The following SLC16A2 variants were observed in gnomAD, a reference collection of about 807,000 sequenced individuals.
SLC16A2 encodes the protein solute carrier family 16 member 2.
SLC16A2 carries 3 observed loss-of-function variants against 27.2 expected under a neutral mutation model. The observed-to-expected ratio is 0.11, with a 90% confidence interval of 0.05 to 0.28. The LOEUF is 0.28. SLC16A2 is among the 10% of genes least tolerant of loss of function. The pLI is 1.00. For synonymous variants in SLC16A2, 202 were observed against 187.8 expected (o/e 1.08, Z -0.62); for missense variants, 295 against 458.5 (o/e 0.64, Z 3.26).
intron 1 of SLC16A2, among the ~76,000 whole-genome samples, chrX:74,505,144 G>A (rs1930102354): frequency 9.0e-6 from 1 of 110,545 alleles, no homozygotes; most frequent in Non-Finnish European, 1.9e-5. Flanking sequence ...TAGTGGCTAG[G>A]AAAAAAAAAT....
chrX:74,477,749 A>T (rs1929514872), intron 1 of SLC16A2, among the ~76,000 whole-genome samples: 1 of 112,155 alleles, frequency 8.9e-6, no homozygotes, highest in Non-Finnish European at 1.9e-5. Context: ...CCCAGTAGTC[A>T]TTCAGGAGCA....
chrX:74,507,373 T>C (rs1353550616), intron 1 of SLC16A2, among the ~76,000 whole-genome samples: 1 of 111,910 alleles, frequency 8.9e-6, no homozygotes, highest in East Asian at 2.8e-4. Context: ...TATGTAGATA[T>C]GCAGGAAACC....
intron 1 of SLC16A2, among the ~76,000 whole-genome samples, chrX:74,454,191 T>C (rs761269208): frequency 1.8e-5 from 2 of 111,734 alleles, no homozygotes; most frequent in South Asian, 3.8e-4. Context: ...GATCGAGAAC[T>C]AGAAATACCA....
At chrX:74,429,640 C>T (rs1928497485) in intron 1 of SLC16A2, among the ~76,000 whole-genome samples, 1 of 111,941 alleles carries the variant, frequency 8.9e-6, no homozygotes, top group South Asian at 3.7e-4. Context: ...GATCTCCTCA[C>T]CTACCCGCTT....
At chrX:74,488,076 A>G (rs1000755588) in intron 1 of SLC16A2, among the ~76,000 whole-genome samples, 9 of 111,560 alleles carry the variant, frequency 8.1e-5, no homozygotes, top group African/African-American at 2.9e-4. Context: ...AATTAATTTT[A>G]CCAAAGATTA....
At chrX:74,482,860 G>A (rs942194348) in intron 1 of SLC16A2, among the ~76,000 whole-genome samples, 1 of 110,480 alleles carries the variant, frequency 9.1e-6, no homozygotes, top group African/African-American at 3.3e-5. Flanking sequence ...ACCACAAACA[G>A]CTATTTTCAG....
chrX:74,526,036 T>C (rs1361536794), intron 4 of SLC16A2, 143 bp downstream of exon 4: 5 of 690,974 alleles, frequency 7.2e-6, no homozygotes, highest in Non-Finnish European at 1.1e-5. Context: ...TTCACCTGCT[T>C]TTAAACAAAG....
Position 74,500,873 on chromosome X carries a change from C to T in SLC16A2, c.431-20117C>T, listed in dbSNP as rs756563018. On this transcript the variant is annotated intron_variant, in intron 1 of 5. Transcript: ENST00000587091. Reference sequence around the variant, plus strand: ...AGGTATCCTTTATAAATAGAATGACCGGATGTTCCAGTTTATAAATATTGT... The same window carrying T: ...AGGTATCCTTTATAAATAGAATGACTGGATGTTCCAGTTTATAAATATTGT... Among the ~76,000 whole-genome samples the T allele has an allele frequency of 1.2e-4, 13 of 109,969 alleles. No homozygotes were observed. In the East Asian group the frequency reaches 2.3e-3, roughly 20 times the overall value.
chrX:74,506,406 T>C (rs1262925821), intron 1 of SLC16A2, among the ~76,000 whole-genome samples: 3 of 111,319 alleles, frequency 2.7e-5, no homozygotes, highest in Non-Finnish European at 5.7e-5. Context: ...TGCCTAGTGA[T>C]ATGGGGCAGG....
In SLC16A2 at chrX:74,436,331, A is replaced by T. The variant is rs758444760; in HGVS notation, c.430+14264A>T. ...TCTCTTTAATAATCTCCACTTTAAG[A>T]TCACTTTTCTAAGACGTTGGTTTTA... is the stretch of plus-strand genomic sequence containing the variant. On this transcript the variant is annotated intron_variant, in intron 1 of 5. Transcript: ENST00000587091. Among the ~76,000 whole-genome samples, 17 of 111,623 alleles carry T rather than the reference A, an allele frequency of 1.5e-4. 1 individual carries two copies. The highest frequency in any genetic ancestry group is 3.0e-4 in the Non-Finnish European group (16 of 53,183).
chrX:74,528,122 T>C lies in SLC16A2; in HGVS notation c.1171-1091T>C, dbSNP rs1930513329. On this transcript the variant is annotated intron_variant, in intron 4 of 5. Coordinates refer to ENST00000587091, the MANE Select transcript of SLC16A2 (RefSeq NM_006517.5). ...TGACCCCCACTCCTTCCATGTGTTC[T>C]TGGCTAAGTTGGCTTGCTTGTGTGA... 6.2e-5 allele frequency among the ~76,000 whole-genome samples: 7 copies of C among 112,567 alleles called. No homozygotes were observed. The Admixed American group carries it at 6.5e-4, about 11-fold the overall frequency.
chrX:74,473,238 A>G, intron 1 of SLC16A2: 1 of 782,724 alleles, frequency 1.3e-6, no homozygotes, highest in Non-Finnish European at 1.9e-6. Flanking sequence ...CAAATCCATT[A>G]TAGCCATCCC....
chrX:74,532,213 G>A lies in SLC16A2; in HGVS notation c.*660G>A, dbSNP rs1930581056. ...CTTTGTATGACTGTCATAGACACATGGGTGCTTGAAGAAAGGAGGGACCCG... is the reference window on the plus strand; with the variant it reads ...CTTTGTATGACTGTCATAGACACATAGGTGCTTGAAGAAAGGAGGGACCCG... On this transcript the variant is annotated 3_prime_UTR_variant, in exon 6 of 6. Coordinates refer to ENST00000587091, the MANE Select transcript of SLC16A2 (RefSeq NM_006517.5). The A allele has an allele frequency of 8.8e-6, 1 of 114,175 alleles. No homozygotes were observed. The highest frequency in any genetic ancestry group is 8.9e-5 in the Admixed American group (1 of 11,180). 9.4% of individuals were successfully genotyped at this position (114,175 alleles called of 1,213,427 possible). A position where few individuals can be genotyped will look rare whatever the true frequency, so the allele number is the denominator to read the frequency against.
intron 1 of SLC16A2, among the ~76,000 whole-genome samples, chrX:74,466,409 C>A (rs1269379699): frequency 2.7e-5 from 3 of 111,241 alleles, no homozygotes; most frequent in Non-Finnish European, 5.7e-5. Flanking sequence ...ACACCAAAAT[C>A]CACAGATGCT....
At chrX:74,479,031 G>T (rs1189394349) in intron 1 of SLC16A2, among the ~76,000 whole-genome samples, 5 of 111,599 alleles carry the variant, frequency 4.5e-5, no homozygotes, top group Admixed American at 9.5e-5. Context: ...ATGTTGGCCT[G>T]CCTTGCTAGA....
At chrX:74,448,956 G>A (rs911263154) in intron 1 of SLC16A2, among the ~76,000 whole-genome samples, 1 of 111,596 alleles carries the variant, frequency 9.0e-6, no homozygotes, top group African/African-American at 3.3e-5. Flanking sequence ...ATCTTTAGCT[G>A]TGCTTATCAC....
chrX:74,440,805 T>G (rs1290132756), intron 1 of SLC16A2, among the ~76,000 whole-genome samples: 1 of 109,835 alleles, frequency 9.1e-6, no homozygotes, highest in Non-Finnish European at 1.9e-5. Context: ...AATGAGGGTG[T>G]GTGTGTGTGT....
chrX:74,428,944 G>T (rs976863981), intron 1 of SLC16A2, among the ~76,000 whole-genome samples: 3 of 111,338 alleles, frequency 2.7e-5, no homozygotes, highest in Admixed American at 9.6e-5. Flanking sequence ...CTGGTTTTTG[G>T]TAGCTTCCGT....
At position 74,498,291 on chromosome X, in the gene SLC16A2, A is replaced by G. The variant is rs1270011252; in HGVS notation, c.431-22699A>G. ...TACTCCTGTGGATAACATCACTATTATAGAACCTAAGATTGGTCTTCTGAG... is the reference window on the plus strand; with the variant it reads ...TACTCCTGTGGATAACATCACTATTGTAGAACCTAAGATTGGTCTTCTGAG... On this transcript the variant is annotated intron_variant, in intron 1 of 5. Transcript: ENST00000587091. Among the ~76,000 whole-genome samples, 25 of 111,704 alleles carry G rather than the reference A, an allele frequency of 2.2e-4. No individual in the cohort carries two copies. In the East Asian group the frequency reaches 2.8e-3, roughly 13 times the overall value.
Sources: allele counts gnomAD v4.1 joint callset (sites outside exome capture counted in the v4.1 genomes callset), GRCh38; gene constraint gnomAD v4.1.1; transcripts MANE v1.5; gene names NCBI Gene and HGNC (gene_info 2026-07-23, HGNC 2026-07-21).